PCDHGC4: variants seen among roughly 807,000 people sequenced by gnomAD.
PCDHGC4 encodes the protein protocadherin gamma subfamily C, 4.
Under a neutral mutation model 59.7 loss-of-function variants are expected in PCDHGC4, and 15 were observed. The ratio of observed to expected loss-of-function variants is 0.25; its 90% CI spans 0.17 to 0.39. The LOEUF (loss-of-function observed/expected upper bound fraction) is 0.39. Among genes scored for constraint, PCDHGC4 ranks in the 10% least tolerant of loss-of-function variants. The pLI, the probability that PCDHGC4 is intolerant of heterozygous loss-of-function variation, is 1.00. For synonymous variants in PCDHGC4, 434 were observed against 481.4 expected, an observed-to-expected ratio of 0.90 and a Z score of 1.29; for missense variants, 1,016 against 1,189.5, an observed-to-expected ratio of 0.85 and a Z score of 2.15.
Position 141,487,623 on chromosome 5 carries a change from CT to C in PCDHGC4, c.2442+11del. 1 of 1,614,206 alleles carries C rather than the reference CT, an allele frequency of 6.2e-7. No homozygotes were observed. Among genetic ancestry groups the C allele is most frequent in the Non-Finnish European group, 8.5e-7 (1 of 1,180,044 alleles). On this transcript the variant is annotated intron_variant, in intron 1 of 3. Transcript: ENST00000306593. This position sits in a 1 kb window ranked among gnomAD's most constrained non-coding sequence, Gnocchi z 5.0. ...CTTCTCTATGGGCTAGAGGTGAGAC[CT>C]TTGCAGGCTCAACAAATGCTTGAGG...
chr5:141,510,919 C>T (rs748157000), intron 3 of PCDHGC4, 28 bp from the exon 4 acceptor site: 1 of 1,613,894 alleles, frequency 6.2e-7, no homozygotes, highest in East Asian at 2.2e-5. Context: ...AAGTTTAGCT[C>T]CCACCTGATC....
At position 141,511,355 on chromosome 5, in the gene PCDHGC4, G is replaced by A; in HGVS notation, c.*182G>A. On this transcript the variant is annotated 3_prime_UTR_variant, in exon 4 of 4. Coordinates refer to ENST00000306593, the MANE Select transcript of PCDHGC4 (RefSeq NM_018928.3). ...TCAGCACCTACCCCTTCCCCCCCAG[G>A]GGGTTGAATATGCAAAAGCAGTTCC... 4 of 1,379,256 alleles carry A rather than the reference G, an allele frequency of 2.9e-6. No individual in the cohort carries two copies. The highest frequency in any genetic ancestry group is 3.9e-6 in the Non-Finnish European group (4 of 1,035,886). 85.4% of individuals were successfully genotyped at this position (1,379,256 alleles called of 1,614,324 possible).
chr5:141,505,053 T>C (rs904041070), intron 2 of PCDHGC4, among the ~76,000 whole-genome samples: 2 of 152,108 alleles, frequency 1.3e-5, no homozygotes, highest in African/African-American at 4.8e-5. Context: ...TCCCAGCTAC[T>C]TGGGAGACTG....
rs769652961 is a variant in PCDHGC4, at chr5:141,489,435, A to G, written c.2442+1820A>G. ...CAGATCTGTTGAGCCGGCGGCTGCAATTGGGCTCTGAGGAGAATGGGCGCT... is the reference window on the plus strand; with the variant it reads ...CAGATCTGTTGAGCCGGCGGCTGCAGTTGGGCTCTGAGGAGAATGGGCGCT... On this transcript the variant is annotated intron_variant, in intron 1 of 3. Coordinates refer to ENST00000306593, the MANE Select transcript of PCDHGC4 (RefSeq NM_018928.3). This position sits in a 1 kb window ranked among gnomAD's most constrained non-coding sequence, Gnocchi z 4.5. 2 of 1,614,138 alleles carry G rather than the reference A, an allele frequency of 1.2e-6. No homozygotes were observed. The highest frequency in any genetic ancestry group is 1.7e-6 in the Non-Finnish European group (2 of 1,180,024).
intron 2 of PCDHGC4, among the ~76,000 whole-genome samples, chr5:141,500,027 G>C (rs1458308566): frequency 6.6e-6 from 1 of 151,808 alleles, no homozygotes; most frequent in Non-Finnish European, 1.5e-5. Flanking sequence ...ATATTTGAGT[G>C]AGTGTCTCTT....
chr5:141,489,483 T>G lies in PCDHGC4; in HGVS notation c.2442+1868T>G. 1.9e-6 allele frequency: 3 copies of G among 1,613,980 alleles called. No individual in the cohort carries two copies. The highest frequency in any genetic ancestry group is 2.5e-6 in the Non-Finnish European group (3 of 1,180,008). ...GCTATTTTTCCCTGAGCTTGATGAG[T>G]GGTGCCCTGGCAGTGAATCAAAAGA... On this transcript the variant is annotated intron_variant, in intron 1 of 3. Coordinates refer to ENST00000306593, the MANE Select transcript of PCDHGC4 (RefSeq NM_018928.3). This position sits in a 1 kb window ranked among gnomAD's most constrained non-coding sequence, Gnocchi z 4.5.
At chr5:141,492,509 C>T (rs1276866000) in intron 1 of PCDHGC4, among the ~76,000 whole-genome samples, 1 of 152,216 alleles carries the variant, frequency 6.6e-6, no homozygotes, top group African/African-American at 2.4e-5. Context: ...CCGGAGCCTC[C>T]TCTCACCTCT....
intron 2 of PCDHGC4, among the ~76,000 whole-genome samples, chr5:141,505,069 G>A (rs2099843308): frequency 2.0e-5 from 3 of 152,340 alleles, no homozygotes; most frequent in East Asian, 1.9e-4. Flanking sequence ...GACTGAGGCA[G>A]GAGAATCGCT....
rs1378140695 is a variant in PCDHGC4, at chr5:141,485,189, A to G, written c.16A>G (p.Arg6Gly). The change falls in exon 1 of 4, where the codon AGA (arginine) becomes GGA (glycine). Residue 6 changes from arginine to glycine, a missense_variant. Physicochemically the swap from Arg to Gly is moderately radical, Grantham distance 125. Transcript: ENST00000306593. The surrounding 1 kb of genome is among the most constrained non-coding windows in gnomAD (Gnocchi z 5.7). MLRKV[R>G]SWTEIWRWAT... ...GGCGGCAGCAATGCTCCGCAAGGTGAGAAGCTGGACAGAAATCTGGCGGTG... is the reference window on the plus strand; with the variant it reads ...GGCGGCAGCAATGCTCCGCAAGGTGGGAAGCTGGACAGAAATCTGGCGGTG... 1 of 1,613,726 alleles carries G rather than the reference A, an allele frequency of 6.2e-7. No homozygotes were observed. The highest frequency in any genetic ancestry group is 1.7e-5 in the Admixed American group (1 of 60,020).
At chr5:141,495,814 T>C (rs2099764028) in intron 2 of PCDHGC4, among the ~76,000 whole-genome samples, 1 of 152,134 alleles carries the variant, frequency 6.6e-6, no homozygotes, top group Non-Finnish European at 1.5e-5. Context: ...TCCTAGCGCC[T>C]TGTGTTCTTC....
chr5:141,505,742 G>A (rs1024914690), intron 3 of PCDHGC4, among the ~76,000 whole-genome samples: 1 of 152,150 alleles, frequency 6.6e-6, no homozygotes, highest in Non-Finnish European at 1.5e-5. Flanking sequence ...TACAAGTCTA[G>A]CTCTGGAATG....
chr5:141,511,082 C>T lies in PCDHGC4; in HGVS notation c.2726C>T (p.Thr909Ile). Residue 909 changes from threonine to isoleucine, a missense_variant, in exon 4 of 4, where the codon ACA (threonine) becomes ATA (isoleucine). By Grantham distance (89) the Thr-to-Ile change is moderately conservative. Transcript: ENST00000306593. ...QNVYIPGSNA[T>I]LTNAAGKRDG... ...GTCTACATCCCAGGCAGCAATGCCA[C>T]ACTGACCAACGCAGCTGGCAAGCGG... 1 of 1,614,224 alleles carries T rather than the reference C, an allele frequency of 6.2e-7. No individual in the cohort carries two copies. Among genetic ancestry groups the T allele is most frequent in the Non-Finnish European group, 8.5e-7 (1 of 1,180,028 alleles).
intron 2 of PCDHGC4, among the ~76,000 whole-genome samples, chr5:141,504,268 T>A (rs539485141): frequency 2.2e-4 from 34 of 152,348 alleles, no homozygotes; most frequent in Admixed American, 1.3e-3. Context: ...AGTATTTTTT[T>A]AAATTATGAA....
chr5:141,498,673 T>C (rs1158071657), intron 2 of PCDHGC4, among the ~76,000 whole-genome samples: 1 of 152,180 alleles, frequency 6.6e-6, no homozygotes, highest in Non-Finnish European at 1.5e-5. Flanking sequence ...GGCTCACGCC[T>C]GTAATCCCAG....
In PCDHGC4 at chr5:141,485,354, G is replaced by C; in HGVS notation, c.181G>C (p.Ala61Pro). 7 of 1,614,176 alleles carry C rather than the reference G, an allele frequency of 4.3e-6. No homozygotes were observed. Among genetic ancestry groups the C allele is most frequent in the Non-Finnish European group, 5.1e-6 (6 of 1,180,024 alleles). Reference protein sequence around the residue: ...DFLLDTDSLSARRLQVAGEVN... With the variant: ...DFLLDTDSLSPRRLQVAGEVN... Reference sequence around the variant, plus strand: ...CCTGCTGGATACGGACAGTCTGTCAGCTCGCAGGCTGCAGGTCGCTGGAGA... The same window carrying C: ...CCTGCTGGATACGGACAGTCTGTCACCTCGCAGGCTGCAGGTCGCTGGAGA... The change falls in exon 1 of 4, where the codon GCT becomes CCT. Residue 61 changes from alanine (A) to proline (P), a missense_variant. Transcript: ENST00000306593. This position sits in a 1 kb window ranked among gnomAD's most constrained non-coding sequence, Gnocchi z 5.7.
intron 1 of PCDHGC4, chr5:141,492,033 C>A: frequency 1.8e-6 from 1 of 548,342 alleles, no homozygotes; most frequent in Non-Finnish European, 3.1e-6. Flanking sequence ...CGGGAGGAGG[C>A]AGTCACAGAT....
chr5:141,490,804 T>C lies in PCDHGC4; in HGVS notation c.2442+3189T>C. On this transcript the variant is annotated intron_variant, in intron 1 of 3. Coordinates refer to ENST00000306593, the MANE Select transcript of PCDHGC4 (RefSeq NM_018928.3). This position sits in a 1 kb window ranked among gnomAD's most constrained non-coding sequence, Gnocchi z 5.4. The stretch of plus-strand genomic sequence containing the variant: ...TGGACGGATCTTTGCCCAGCGTACC[T>C]TTGACTATGAATTGCTGCAGATGCT... 2 of 1,613,854 alleles carry C rather than the reference T, an allele frequency of 1.2e-6. No homozygotes were observed. Among genetic ancestry groups the C allele is most frequent in the Non-Finnish European group, 1.7e-6 (2 of 1,179,816 alleles).
At position 141,486,238 on chromosome 5, in the gene PCDHGC4, G is replaced by C. The variant is rs1414434705; in HGVS notation, c.1065G>C (p.Glu355Asp). 6.2e-7 allele frequency: 1 copy of C among 1,614,058 alleles called. No homozygotes were observed. The highest frequency in any genetic ancestry group is 8.5e-7 in the Non-Finnish European group (1 of 1,180,024). Residue 355 changes from glutamate (E) to aspartate (D), a missense_variant, in exon 1 of 4, where the codon GAG becomes GAC. Physicochemically the swap from Glu to Asp is conservative, Grantham distance 45. Coordinates refer to ENST00000306593, the MANE Select transcript of PCDHGC4 (RefSeq NM_018928.3). This position sits in a 1 kb window ranked among gnomAD's most constrained non-coding sequence, Gnocchi z 5.0. ...DNAPYITVTS[E>D]LGTLPESAEP... ...CCCCTTACATCACAGTGACCTCAGA[G>C]CTTGGAACCCTCCCCGAGAGTGCAG... is the stretch of plus-strand genomic sequence containing the variant.
In PCDHGC4 at chr5:141,489,077, C is replaced by CCCCCCACCGGG; in HGVS notation, c.2442+1462_2442+1463insCCCCCACCGGG. ...AGCTCCCCTCCCCCCTGCCCACCCCCGCCACTCGGTGACTAAGAACTGCTG... is the reference window on the plus strand; with the variant it reads ...AGCTCCCCTCCCCCCTGCCCACCCCCCCCCCACCGGGGCCACTCGGTGACTAAGAACTGCTG... On this transcript the variant is annotated intron_variant, in intron 1 of 3. Transcript: ENST00000306593. The surrounding 1 kb of genome is among the most constrained non-coding windows in gnomAD (Gnocchi z 4.5). 6.1e-6 allele frequency: 2 copies of CCCCCCACCGGG among 325,756 alleles called. No individual in the cohort carries two copies. Among genetic ancestry groups the CCCCCCACCGGG allele is most frequent in the Non-Finnish European group, 5.5e-6 (1 of 181,460 alleles). The allele number at this position is 325,756 out of a possible 1,614,324, so 20.2% of individuals were successfully genotyped here.
Sources: gnomAD v4.1 joint callset for allele counts (sites outside exome capture counted in the v4.1 genomes callset) on GRCh38, gnomAD v4.1.1 for gene constraint, Gnocchi (gnomAD v3.1) non-coding constraint, MANE v1.5 for transcripts, NCBI Gene and HGNC (gene_info 2026-07-23, HGNC 2026-07-21) for gene names.